Variants in CTNNA1 observed in about 807,000 individuals in gnomAD.
The protein encoded by CTNNA1 is catenin alpha-1.
A neutral mutation model predicts 98.4 loss-of-function variants in CTNNA1; 37 were observed. The ratio of observed to expected loss-of-function variants is 0.38; its 90% confidence interval spans 0.29 to 0.49. The LOEUF is 0.49. Among genes scored for constraint, CTNNA1 ranks in the 20% least tolerant of loss-of-function variants. CTNNA1 has a pLI of 0.95. For synonymous variants in CTNNA1, 404 were observed against 413.2 expected (o/e 0.98, Z 0.27); for missense variants, 761 against 1,147.2 (o/e 0.66, Z 4.86).
chr5:138,830,826 A>G (rs902300172), intron 7 of CTNNA1, among the ~76,000 whole-genome samples: 2 of 152,216 alleles, frequency 1.3e-5, no homozygotes, highest in Non-Finnish European at 2.9e-5. Context: ...TGGGAGTGTC[A>G]TCATAGGTAC....
At chr5:138,931,892 A>G in intron 16 of CTNNA1, 1 of 985,476 alleles carries the variant, frequency 1.0e-6, no homozygotes, top group Non-Finnish European at 1.2e-6. Flanking sequence ...TGCTATAAAC[A>G]CTTGAGAGGT....
intron 10 of CTNNA1, chr5:138,904,681 G>A: frequency 2.1e-6 from 1 of 465,914 alleles, no homozygotes; most frequent in Non-Finnish European, 3.7e-6. Context: ...AGTGGGCTGG[G>A]CACGGTGGCT....
chr5:138,823,554 G>A (rs1409481296), intron 5 of CTNNA1, among the ~76,000 whole-genome samples: 3 of 152,124 alleles, frequency 2.0e-5, no homozygotes, highest in South Asian at 4.1e-4. Flanking sequence ...GAGCGGGAGA[G>A]GAGGAGATAC....
chr5:138,760,772 C>T (rs1752266430), intron 1 of CTNNA1, among the ~76,000 whole-genome samples: 1 of 152,182 alleles, frequency 6.6e-6, no homozygotes, highest in African/African-American at 2.4e-5. Flanking sequence ...ACTTTATCAT[C>T]ACCTGTGGTA....
At chr5:138,926,903 C>G (rs1334761289) in intron 13 of CTNNA1, among the ~76,000 whole-genome samples, 2 of 152,198 alleles carry the variant, frequency 1.3e-5, no homozygotes, top group African/African-American at 4.8e-5. Context: ...CTTGCCTCCT[C>G]CCTCTCACTT....
chr5:138,778,799 A>G (rs1311004922), intron 1 of CTNNA1, among the ~76,000 whole-genome samples: 1 of 152,224 alleles, frequency 6.6e-6, no homozygotes, highest in Non-Finnish European at 1.5e-5. Flanking sequence ...TCAATGGATC[A>G]TACTTTGTTC....
chr5:138,808,192 G>T (rs1758299590), intron 3 of CTNNA1, among the ~76,000 whole-genome samples: 1 of 152,158 alleles, frequency 6.6e-6, no homozygotes, highest in Non-Finnish European at 1.5e-5. Context: ...TGGGTGCATT[G>T]TAATACTCTA....
intron 1 of CTNNA1, among the ~76,000 whole-genome samples, chr5:138,761,708 C>T (rs192628990): frequency 3.3e-5 from 5 of 152,266 alleles, no homozygotes; most frequent in African/African-American, 1.2e-4. Flanking sequence ...TCTACCTTCT[C>T]TGCCCAAATC....
At chr5:138,799,857 G>GTATGTATGTATGT (rs1757369461) in intron 3 of CTNNA1, among the ~76,000 whole-genome samples, 1 of 149,024 alleles carries the variant, frequency 6.7e-6, no homozygotes. Context: ...AGTAGATGTA[G>GTATGTATGTATGT]ATGTATGTAT....
chr5:138,824,530 G>C lies in CTNNA1; in HGVS notation c.589G>C (p.Glu197Gln). Residue 197 changes from glutamate (E) to glutamine (Q), a missense_variant and splice_region_variant, in exon 6 of 18, where the codon GAA becomes CAA. Physicochemically the swap from Glu to Gln is conservative, Grantham distance 29. Around this residue, in one of 6 missense-constraint regions of CTNNA1, gnomAD observed 328 missense variants for 354.3 expected, o/e 0.93. Transcript: ENST00000302763. ...LNIMAAKRQQELKDVGHRDQM... is the reference protein window; with the variant it reads ...LNIMAAKRQQQLKDVGHRDQM... ...TTTCTTGTTTTATTTACTCTTGTAGGAATTGAAAGATGTTGGCCATCGTGA... is the reference window on the plus strand; with the variant it reads ...TTTCTTGTTTTATTTACTCTTGTAGCAATTGAAAGATGTTGGCCATCGTGA... 1 of 1,612,736 alleles carries C rather than the reference G, an allele frequency of 6.2e-7. No individual in the cohort carries two copies. Among genetic ancestry groups the C allele is most frequent in the Non-Finnish European group, 8.5e-7 (1 of 1,178,836 alleles).
chr5:138,810,865 G>A (rs1486129047), intron 4 of CTNNA1, among the ~76,000 whole-genome samples: 2 of 152,070 alleles, frequency 1.3e-5, no homozygotes, highest in East Asian at 1.9e-4. Context: ...CAGTAGGGGC[G>A]GCCGGGCAGA....
At chr5:138,884,771 C>T (rs1561649551) in intron 7 of CTNNA1, among the ~76,000 whole-genome samples, 1 of 152,132 alleles carries the variant, frequency 6.6e-6, no homozygotes, top group East Asian at 1.9e-4. Flanking sequence ...TTCAAGTTTA[C>T]TTTGGAATGC....
At chr5:138,801,993 C>T (rs936662736) in intron 3 of CTNNA1, among the ~76,000 whole-genome samples, 3 of 152,108 alleles carry the variant, frequency 2.0e-5, no homozygotes, top group Admixed American at 1.3e-4. Context: ...TCATTAAAAA[C>T]GACACATTAA....
intron 1 of CTNNA1, among the ~76,000 whole-genome samples, chr5:138,779,116 T>G (rs1458721625): frequency 6.6e-6 from 1 of 152,128 alleles, no homozygotes; most frequent in African/African-American, 2.4e-5. Flanking sequence ...TGACCTCAGG[T>G]GATCCACCCA....
intron 3 of CTNNA1, among the ~76,000 whole-genome samples, chr5:138,792,488 CAGTGACTGTTTTA>C (rs1756487805): frequency 1.3e-5 from 2 of 152,154 alleles, no homozygotes; most frequent in East Asian, 3.8e-4. Flanking sequence ...AAGCACGTAT[CAGTGACTGTTTTA>C]AGTAGAGTTT....
chr5:138,874,121 G>T lies in CTNNA1; in HGVS notation c.1063-12091G>T. On this transcript the variant is annotated intron_variant, in intron 7 of 17. Coordinates refer to ENST00000302763, the MANE Select transcript of CTNNA1 (RefSeq NM_001903.5). The surrounding 1 kb of genome is among the most constrained non-coding windows in gnomAD (Gnocchi z 4.1). ...GCCATAGAAGAGCTCTGGGTGCAGA[G>T]ATGACAGCTGATTAAAAGACAGGTC... 1 of 1,613,748 alleles carries T rather than the reference G, an allele frequency of 6.2e-7. No individual in the cohort carries two copies. Among genetic ancestry groups the T allele is most frequent in the Admixed American group, 1.7e-5 (1 of 59,932 alleles).
At chr5:138,807,947 C>T (rs778410090) in intron 3 of CTNNA1, among the ~76,000 whole-genome samples, 1 of 152,028 alleles carries the variant, frequency 6.6e-6, no homozygotes, top group Non-Finnish European at 1.5e-5. Flanking sequence ...GACGGAGTTT[C>T]ACCATGTTGG....
At chr5:138,931,630 T>C (rs1765359828) in intron 16 of CTNNA1, 1 of 985,354 alleles carries the variant, frequency 1.0e-6, no homozygotes, top group Admixed American at 6.1e-5. Flanking sequence ...AAACCAGTCT[T>C]GTCCTTTCTG....
chr5:138,875,037 A>C, intron 7 of CTNNA1: 1 of 924,660 alleles, frequency 1.1e-6, no homozygotes, highest in East Asian at 2.4e-5. Flanking sequence ...CAGGCTTTCC[A>C]AGTAAAATTG....
Sources: gnomAD v4.1 joint callset for allele counts (sites outside exome capture counted in the v4.1 genomes callset) on GRCh38, gnomAD v4.1.1 for gene constraint, gnomAD v4.1.1 regional missense constraint, Gnocchi (gnomAD v3.1) non-coding constraint, MANE v1.5 for transcripts, NCBI Gene and HGNC (gene_info 2026-07-23, HGNC 2026-07-21) for gene names.